Variants in TRAPPC5 observed in about 807,000 individuals in gnomAD.
TRAPPC5 encodes the protein trafficking protein particle complex subunit 5, also known as trafficking protein particle complex 5.
Under a neutral mutation model 9.8 loss-of-function variants are expected in TRAPPC5, and 5 were observed. The observed-to-expected ratio is 0.51, with a 90% CI of 0.27 to 1.07. The LOEUF (loss-of-function observed/expected upper bound fraction) is 1.07. Ranked by LOEUF, TRAPPC5 falls within the 50% of genes least tolerant of loss-of-function variation. TRAPPC5 has a pLI of 0.12. For missense variants in TRAPPC5, 243 were observed against 291.5 expected, an observed-to-expected ratio of 0.83 and a Z score of 1.21; for synonymous variants, 146 against 140.7, an observed-to-expected ratio of 1.04 and a Z score of -0.26.
At position 7,680,875 on chromosome 19, in the gene TRAPPC5, C is replaced by T. The variant is rs142064563; in HGVS notation, c.-16C>T. On this transcript the variant is annotated 5_prime_UTR_variant, in exon 1 of 2. Coordinates refer to ENST00000596148, the MANE Select transcript of TRAPPC5 (RefSeq NM_001042462.2). ...CTCGGCCGAGCAGACTGCTGCGGTTCCTGGTGAGACCCTACCCACCCCCCT... is the reference window on the plus strand; with the variant it reads ...CTCGGCCGAGCAGACTGCTGCGGTTTCTGGTGAGACCCTACCCACCCCCCT... 676 of 152,450 alleles carry T rather than the reference C, an allele frequency of 4.4e-3. 9 individuals are homozygous for T. Among genetic ancestry groups the T allele is most frequent in the Middle Eastern group, 0.041 (12 of 296 alleles). The allele number at this position is 152,450 out of a possible 1,614,324, so 9.4% of individuals were successfully genotyped here. A position where few individuals can be genotyped will look rare whatever the true frequency, so the allele number is the denominator to read the frequency against.
rs1352493165 is a variant in TRAPPC5 at position 7,683,180 on chromosome 19, G to A, written c.*360G>A. On this transcript the variant is annotated 3_prime_UTR_variant, in exon 2 of 2. Transcript: ENST00000596148. ...ACTGGGGGTGGGCAAACTGCGCAAA[G>A]TGCCAGATGGGCAATATTTTATGCC... The A allele has an allele frequency of 3.7e-6, 1 of 271,582 alleles. No homozygotes were observed. Among genetic ancestry groups the A allele is most frequent in the Non-Finnish European group, 7.0e-6 (1 of 142,766 alleles). The allele number at this position is 271,582 out of a possible 1,614,324, so 16.8% of individuals were successfully genotyped here. A position where few individuals can be genotyped will look rare whatever the true frequency, so the allele number is the denominator to read the frequency against.
At position 7,682,443 on chromosome 19, in the gene TRAPPC5, C is replaced by T. The variant is rs1291581893; in HGVS notation, c.190C>T (p.Arg64Cys). Residue 64 changes from arginine (R) to cysteine (C), a missense_variant, in exon 2 of 2, where the codon CGC (arginine) becomes TGC (cysteine). Transcript: ENST00000596148. The surrounding 1 kb of genome is among the most constrained non-coding windows in gnomAD (Gnocchi z 8.6). Reference sequence around the variant, plus strand: ...CGCGCTGGGCCGCCAGGTGGGCGCGCGCGTGCTGGATGCGCTGGTGGCGCG... The same window carrying T: ...CGCGCTGGGCCGCCAGGTGGGCGCGTGCGTGCTGGATGCGCTGGTGGCGCG... ...LAALGRQVGA[R>C]VLDALVAREK... 6.2e-7 allele frequency: 1 copy of T among 1,606,008 alleles called. No homozygotes were observed. The highest frequency in any genetic ancestry group is 1.7e-5 in the Admixed American group (1 of 59,288).
chr19:7,687,462 C>T lies in TRAPPC5; in HGVS notation c.*4642C>T, dbSNP rs115702141. 1,417 of 152,690 alleles carry T rather than the reference C, an allele frequency of 9.3e-3. 27 individuals carry two copies. The highest frequency in any genetic ancestry group is 0.032 in the African/African-American group (1,342 of 41,542). 9.5% of individuals were successfully genotyped at this position (152,690 alleles called of 1,614,324 possible). A position where few individuals can be genotyped will look rare whatever the true frequency, so the allele number is the denominator to read the frequency against. On this transcript the variant is annotated 3_prime_UTR_variant, in exon 2 of 2. Transcript: ENST00000596148. ...ACACCTCCAGACCCGAAATGGCCTCCGGTTGACCGGGCCCACTCCCCATCA... is the reference window on the plus strand; with the variant it reads ...ACACCTCCAGACCCGAAATGGCCTCTGGTTGACCGGGCCCACTCCCCATCA...
rs1158830273 is a variant in TRAPPC5 at position 7,682,592 on chromosome 19, C to T, written c.339C>T (p.Arg113=). The change falls in exon 2 of 2, where the codon CGC becomes CGT. Residue 113 remains arginine, a synonymous_variant. Transcript: ENST00000596148. This position sits in a 1 kb window ranked among gnomAD's most constrained non-coding sequence, Gnocchi z 8.6. ...DKLEQANDDA[R]TFYIIEREPL... is the part of the protein sequence containing the mutation. ...TGGAGCAGGCCAACGATGACGCGCG[C>T]ACCTTCTACATCATCGAGCGCGAGC... 1.9e-6 allele frequency: 3 copies of T among 1,612,720 alleles called. No individual in the cohort carries two copies. In the Middle Eastern group the frequency reaches 4.9e-4, roughly 266 times the overall value.
In TRAPPC5 at chr19:7,687,257, T is replaced by G. The variant is rs2032732629; in HGVS notation, c.*4437T>G. The G allele has an allele frequency of 1.3e-5, 2 of 152,160 alleles. No individual in the cohort carries two copies. Among genetic ancestry groups the G allele is most frequent in the South Asian group, 4.2e-4 (2 of 4,814 alleles). 9.4% of individuals were successfully genotyped at this position (152,160 alleles called of 1,614,324 possible). A position where few individuals can be genotyped will look rare whatever the true frequency, so the allele number is the denominator to read the frequency against. ...TTTCTTATGGTCTTGGACCTGGAGGTGTTGTCAGGGGAAAGGGAAGAGGTG... is the reference window on the plus strand; with the variant it reads ...TTTCTTATGGTCTTGGACCTGGAGGGGTTGTCAGGGGAAAGGGAAGAGGTG... On this transcript the variant is annotated 3_prime_UTR_variant, in exon 2 of 2. Transcript: ENST00000596148.
chr19:7,681,678 T>TA lies in TRAPPC5; in HGVS notation c.-12-563dup, dbSNP rs2032638899. On this transcript the variant is annotated intron_variant, in intron 1 of 1. Coordinates refer to ENST00000596148, the MANE Select transcript of TRAPPC5 (RefSeq NM_001042462.2). This position sits in a 1 kb window ranked among gnomAD's most constrained non-coding sequence, Gnocchi z 8.7. The stretch of plus-strand genomic sequence containing the variant: ...CTGGCTTTTGGTCTTGACACGCTCC[T>TA]ACCCCACTCCCACCCTCCACCCCCT... Among the ~76,000 whole-genome samples the TA allele has an allele frequency of 6.6e-6, 1 of 151,744 alleles. No homozygotes were observed. The highest frequency in any genetic ancestry group is 2.4e-5 in the African/African-American group (1 of 41,300).
Position 7,684,565 on chromosome 19 carries a change from G to A in TRAPPC5, c.*1745G>A, listed in dbSNP as rs2032694397. On this transcript the variant is annotated 3_prime_UTR_variant, in exon 2 of 2. Coordinates refer to ENST00000596148, the MANE Select transcript of TRAPPC5 (RefSeq NM_001042462.2). Reference sequence around the variant, plus strand: ...TCCATCTAAAAAACAAAAAGGTCAGGCGCGGTGGCTCACGCCTATAATCCC... The same window carrying A: ...TCCATCTAAAAAACAAAAAGGTCAGACGCGGTGGCTCACGCCTATAATCCC... 1 of 152,166 alleles carries A rather than the reference G, an allele frequency of 6.6e-6. No individual in the cohort carries two copies. Among genetic ancestry groups the A allele is most frequent in the Admixed American group, 6.6e-5 (1 of 15,232 alleles). The allele number at this position is 152,166 out of a possible 1,614,324, so 9.4% of individuals were successfully genotyped here. A position where few individuals can be genotyped will look rare whatever the true frequency, so the allele number is the denominator to read the frequency against.
Position 7,681,228 on chromosome 19 carries a change from C to T in TRAPPC5, c.-13+350C>T, listed in dbSNP as rs2032630515. Among the ~76,000 whole-genome samples the T allele has an allele frequency of 6.6e-6, 1 of 152,138 alleles. No individual in the cohort carries two copies. The stretch of plus-strand genomic sequence containing the variant: ...GGCCCGGAGCCCCTGGGACACCCCT[C>T]CCCGCTGGTTCTCCCACCTCCCACG... On this transcript the variant is annotated intron_variant, in intron 1 of 1. Coordinates refer to ENST00000596148, the MANE Select transcript of TRAPPC5 (RefSeq NM_001042462.2). This position sits in a 1 kb window ranked among gnomAD's most constrained non-coding sequence, Gnocchi z 8.7.
rs1357338808 is a variant in TRAPPC5 at position 7,682,587 on chromosome 19, G to C, written c.334G>C (p.Ala112Pro). The C allele has an allele frequency of 2.5e-6, 4 of 1,612,388 alleles. No homozygotes were observed. In the African/African-American group the frequency reaches 5.3e-5, roughly 22 times the overall value. ...CAAGCTGGAGCAGGCCAACGATGAC[G>C]CGCGCACCTTCTACATCATCGAGCG... ...ADKLEQANDD[A>P]RTFYIIEREP... Residue 112 changes from alanine to proline, a missense_variant, in exon 2 of 2, where the codon GCG becomes CCG. By Grantham distance (27) the Ala-to-Pro change is conservative. Coordinates refer to ENST00000596148, the MANE Select transcript of TRAPPC5 (RefSeq NM_001042462.2). The surrounding 1 kb of genome is among the most constrained non-coding windows in gnomAD (Gnocchi z 8.6).
rs2032639994 is a variant in TRAPPC5, at chr19:7,681,706, A to C, written c.-12-536A>C. Among the ~76,000 whole-genome samples, 1 of 146,250 alleles carries C rather than the reference A, an allele frequency of 6.8e-6. No individual in the cohort carries two copies. Among genetic ancestry groups the C allele is most frequent in the South Asian group, 2.2e-4 (1 of 4,598 alleles). On this transcript the variant is annotated intron_variant, in intron 1 of 1. Transcript: ENST00000596148. The surrounding 1 kb of genome is among the most constrained non-coding windows in gnomAD (Gnocchi z 8.7). ...CCCACTCCCACCCTCCACCCCCTTT[A>C]CTCTGGCTTTCCGCAGGGGGCCGGC...
At position 7,682,652 on chromosome 19, in the gene TRAPPC5, G is replaced by A; in HGVS notation, c.399G>A (p.Glu133=). 6.2e-7 allele frequency: 1 copy of A among 1,613,912 alleles called. No homozygotes were observed. The highest frequency in any genetic ancestry group is 8.5e-7 in the Non-Finnish European group (1 of 1,179,988). The change falls in exon 2 of 2, where the codon GAG becomes GAA. Residue 133 remains glutamate, a synonymous_variant. Coordinates refer to ENST00000596148, the MANE Select transcript of TRAPPC5 (RefSeq NM_001042462.2). The surrounding 1 kb of genome is among the most constrained non-coding windows in gnomAD (Gnocchi z 8.6). ...ACACCTACATCTCCGTGCCCAAGGA[G>A]AACAGCACGCTCAACTGCGCCAGCT... is the stretch of plus-strand genomic sequence containing the variant. ...LINTYISVPK[E]NSTLNCASFT...
Position 7,681,939 on chromosome 19 carries a change from T to C in TRAPPC5, c.-12-303T>C, listed in dbSNP as rs1012716778. On this transcript the variant is annotated intron_variant, in intron 1 of 1. Coordinates refer to ENST00000596148, the MANE Select transcript of TRAPPC5 (RefSeq NM_001042462.2). The surrounding 1 kb of genome is among the most constrained non-coding windows in gnomAD (Gnocchi z 8.7). Reference sequence around the variant, plus strand: ...ATTGAACCGTCTGCATGCCCGAGGGTTGGGTGGTTTCGGCCTCCTCTTCTG... The same window carrying C: ...ATTGAACCGTCTGCATGCCCGAGGGCTGGGTGGTTTCGGCCTCCTCTTCTG... Among the ~76,000 whole-genome samples, 1 of 151,836 alleles carries C rather than the reference T, an allele frequency of 6.6e-6. No individual in the cohort carries two copies. Among genetic ancestry groups the C allele is most frequent in the Admixed American group, 6.6e-5 (1 of 15,250 alleles).
chr19:7,682,416 G>A lies in TRAPPC5; in HGVS notation c.163G>A (p.Ala55Thr). ...CGTGGCCGAGCTGCAGTCGCGCCTGGCCGCGCTGGGCCGCCAGGTGGGCGC... is the reference window on the plus strand; with the variant it reads ...CGTGGCCGAGCTGCAGTCGCGCCTGACCGCGCTGGGCCGCCAGGTGGGCGC... The part of the protein sequence containing the change: ...FSVAELQSRL[A>T]ALGRQVGARV... Residue 55 changes from alanine (A) to threonine (T), a missense_variant, in exon 2 of 2, where the codon GCC (alanine) becomes ACC (threonine). Ala to Thr is a moderately conservative substitution (Grantham distance 58). Coordinates refer to ENST00000596148, the MANE Select transcript of TRAPPC5 (RefSeq NM_001042462.2). This position sits in a 1 kb window ranked among gnomAD's most constrained non-coding sequence, Gnocchi z 8.6. The A allele has an allele frequency of 6.3e-7, 1 of 1,590,284 alleles. No homozygotes were observed.
rs59573999 is a variant in TRAPPC5 at position 7,683,500 on chromosome 19, G to C, written c.*680G>C. 0.13 allele frequency: 20,435 copies of C among 152,384 alleles called. 1,708 individuals carry two copies. The highest frequency in any genetic ancestry group is 0.23 in the African/African-American group (9,419 of 41,438). 9.4% of individuals were successfully genotyped at this position (152,384 alleles called of 1,614,324 possible). A position where few individuals can be genotyped will look rare whatever the true frequency, so the allele number is the denominator to read the frequency against. The stretch of plus-strand genomic sequence containing the variant: ...CTCCCAAAGTGCTGGGATTACAGGC[G>C]TGAGCCACTGCTGTGCCGCCATGTG... On this transcript the variant is annotated 3_prime_UTR_variant, in exon 2 of 2. Transcript: ENST00000596148.
At position 7,681,215 on chromosome 19, in the gene TRAPPC5, C is replaced by T. The variant is rs1051884715; in HGVS notation, c.-13+337C>T. On this transcript the variant is annotated intron_variant, in intron 1 of 1. Coordinates refer to ENST00000596148, the MANE Select transcript of TRAPPC5 (RefSeq NM_001042462.2). This position sits in a 1 kb window ranked among gnomAD's most constrained non-coding sequence, Gnocchi z 8.7. ...CTGGGGCGGGGGCGGCCCGGAGCCC[C>T]TGGGACACCCCTCCCCGCTGGTTCT... Among the ~76,000 whole-genome samples the T allele has an allele frequency of 2.0e-5, 3 of 152,116 alleles. No homozygotes were observed. Among genetic ancestry groups the T allele is most frequent in the Non-Finnish European group, 1.5e-5 (1 of 67,996 alleles).
rs924909510 is a variant in TRAPPC5 at position 7,682,877 on chromosome 19, T to A, written c.*57T>A. The A allele has an allele frequency of 2.7e-6, 4 of 1,492,482 alleles. No individual in the cohort carries two copies. Among genetic ancestry groups the A allele is most frequent in the Non-Finnish European group, 3.6e-6 (4 of 1,111,418 alleles). The allele number at this position is 1,492,482 out of a possible 1,614,324, so 92.5% of individuals were successfully genotyped here. A position where few individuals can be genotyped will look rare whatever the true frequency, so the allele number is the denominator to read the frequency against. Reference sequence around the variant, plus strand: ...CTCCCCACGTGTGTCTTGTGTCTTGTGTGGCGGCCTTAGATCCACTCAGTA... The same window carrying A: ...CTCCCCACGTGTGTCTTGTGTCTTGAGTGGCGGCCTTAGATCCACTCAGTA... On this transcript the variant is annotated 3_prime_UTR_variant, in exon 2 of 2. Coordinates refer to ENST00000596148, the MANE Select transcript of TRAPPC5 (RefSeq NM_001042462.2). The surrounding 1 kb of genome is among the most constrained non-coding windows in gnomAD (Gnocchi z 8.6).
rs2032645821 is a variant in TRAPPC5 at position 7,682,064 on chromosome 19, G to A, written c.-12-178G>A. 6.6e-6 allele frequency among the ~76,000 whole-genome samples: 1 copy of A among 152,146 alleles called. No homozygotes were observed. The highest frequency in any genetic ancestry group is 1.5e-5 in the Non-Finnish European group (1 of 68,028). ...CCCCTCCCTTGATTTATCTGGTTAC[G>A]TGTAATCGAGGCGTGTTTTACGCGC... On this transcript the variant is annotated intron_variant, in intron 1 of 1. Transcript: ENST00000596148. This position sits in a 1 kb window ranked among gnomAD's most constrained non-coding sequence, Gnocchi z 8.6.
Position 7,682,738 on chromosome 19 carries a change from C to T in TRAPPC5, c.485C>T (p.Ala162Val). ...AGCGGCTTCCCTGCCAAGGTCACGG[C>T]GCACTGGCACAAGGGCACCACGCTC... ...THSGFPAKVT[A>V]HWHKGTTLMI... The change falls in exon 2 of 2, where the codon GCG becomes GTG. Residue 162 changes from alanine (A) to valine (V), a missense_variant. By Grantham distance (64) the Ala-to-Val change is moderately conservative. Transcript: ENST00000596148. The surrounding 1 kb of genome is among the most constrained non-coding windows in gnomAD (Gnocchi z 8.6). The T allele has an allele frequency of 6.2e-7, 1 of 1,612,116 alleles. No individual in the cohort carries two copies. The highest frequency in any genetic ancestry group is 8.5e-7 in the Non-Finnish European group (1 of 1,179,222).
rs534491972 is a variant in TRAPPC5 at position 7,685,442 on chromosome 19, T to C, written c.*2622T>C. On this transcript the variant is annotated 3_prime_UTR_variant, in exon 2 of 2. Coordinates refer to ENST00000596148, the MANE Select transcript of TRAPPC5 (RefSeq NM_001042462.2). ...GCTTCCTTTCCACCGCCCCCCAGAA[T>C]GTGAACAGACAGGTCTGTTCAGAAA... The C allele has an allele frequency of 1.3e-5, 2 of 152,212 alleles. No individual in the cohort carries two copies. Among genetic ancestry groups the C allele is most frequent in the African/African-American group, 4.8e-5 (2 of 41,550 alleles). The allele number at this position is 152,212 out of a possible 1,614,324, so 9.4% of individuals were successfully genotyped here.
Sources: allele counts gnomAD v4.1 joint callset (sites outside exome capture counted in the v4.1 genomes callset), GRCh38; gene constraint gnomAD v4.1.1; non-coding constraint Gnocchi (gnomAD v3.1); transcripts MANE v1.5; gene names NCBI Gene and HGNC (gene_info 2026-07-23, HGNC 2026-07-21).